ARHGAP10: variants seen among roughly 807,000 people sequenced by gnomAD.
ARHGAP10 encodes the protein rho GTPase-activating protein 10.
Under a neutral mutation model 108.6 loss-of-function variants are expected in ARHGAP10, and 87 were observed. The ratio of observed to expected loss-of-function variants is 0.80; its 90% CI spans 0.67 to 0.96. The LOEUF is 0.96. ARHGAP10 is among the 40% of genes least tolerant of loss of function. ARHGAP10 has a pLI of 0.00. For missense variants in ARHGAP10, 939 were observed against 954.5 expected (o/e 0.98, Z 0.21); for synonymous variants, 347 against 341.1 (o/e 1.02, Z -0.19).
At chr4:147,869,563 G>A (rs998782845) in intron 7 of ARHGAP10, among the ~76,000 whole-genome samples, 2 of 151,396 alleles carry the variant, frequency 1.3e-5, no homozygotes, top group East Asian at 3.9e-4. Context: ...GTAGAGAAAT[G>A]GGGAAATGAC....
chr4:147,733,835 C>T (rs148336281), intron 1 of ARHGAP10, among the ~76,000 whole-genome samples: 219 of 152,256 alleles, frequency 1.4e-3, no homozygotes, highest in African/African-American at 5.1e-3. Context: ...TCTCTGACCT[C>T]TTTGGTGTTG....
intron 10 of ARHGAP10, among the ~76,000 whole-genome samples, chr4:147,898,915 C>T (rs886812825): frequency 3.9e-5 from 6 of 152,166 alleles, no homozygotes; most frequent in Non-Finnish European, 7.3e-5. Context: ...GAGAGCAGCA[C>T]GGGGGAACCA....
intron 10 of ARHGAP10, among the ~76,000 whole-genome samples, chr4:147,904,046 G>C (rs1183100946): frequency 6.6e-6 from 1 of 152,146 alleles, no homozygotes; most frequent in Admixed American, 6.5e-5. Context: ...ACCAGACTTT[G>C]AAAGTGTACC....
intron 8 of ARHGAP10, among the ~76,000 whole-genome samples, chr4:147,877,264 AT>A (rs5862814): frequency 0.95 from 143,520 of 151,726 alleles, 68,314 homozygotes; most frequent in Non-Finnish European, 1. Context: ...TCTGTGCAAT[AT>A]TTTTTTTGTC....
intron 1 of ARHGAP10, among the ~76,000 whole-genome samples, chr4:147,763,567 C>G (rs1729672896): frequency 6.6e-6 from 1 of 151,998 alleles, no homozygotes; most frequent in Admixed American, 6.6e-5. Context: ...GCCCTGACCT[C>G]CCAAAGTGTT....
intron 19 of ARHGAP10, among the ~76,000 whole-genome samples, chr4:148,034,183 T>C (rs1728272565): frequency 6.6e-6 from 1 of 152,214 alleles, no homozygotes; most frequent in African/African-American, 2.4e-5. Flanking sequence ...GCCTGATATC[T>C]GAAGCAGAAG....
chr4:147,843,803 T>C (rs28662484), intron 3 of ARHGAP10, among the ~76,000 whole-genome samples: 21,338 of 152,254 alleles, frequency 0.14, 1,547 homozygotes, highest in African/African-American at 0.19. Flanking sequence ...CGTGAGCCAC[T>C]GCACCCGGCC....
At chr4:147,776,812 C>T (rs1217491720) in intron 1 of ARHGAP10, among the ~76,000 whole-genome samples, 2 of 152,222 alleles carry the variant, frequency 1.3e-5, no homozygotes, top group Non-Finnish European at 2.9e-5. Flanking sequence ...ATGGACTTCA[C>T]CTTGCCTGTT....
chr4:147,751,070 G>T (rs894452566), intron 1 of ARHGAP10, among the ~76,000 whole-genome samples: 8 of 151,672 alleles, frequency 5.3e-5, no homozygotes, highest in Middle Eastern at 3.4e-3. Flanking sequence ...TCCCATCTAC[G>T]TGGGAGGCTG....
intron 7 of ARHGAP10, among the ~76,000 whole-genome samples, chr4:147,869,774 C>T (rs1388168523): frequency 5.3e-5 from 8 of 151,776 alleles, no homozygotes; most frequent in South Asian, 2.1e-4. Flanking sequence ...ATCTAGGTGG[C>T]GTCTTTGTTC....
At chr4:147,952,120 T>G (rs1738627986) in intron 15 of ARHGAP10, among the ~76,000 whole-genome samples, 1 of 152,224 alleles carries the variant, frequency 6.6e-6, no homozygotes, top group Non-Finnish European at 1.5e-5. Flanking sequence ...TAATGGACCA[T>G]TTTATAGATA....
At chr4:147,939,718 C>G in intron 13 of ARHGAP10, 107 bp from the exon 14 acceptor site, 1 of 958,704 alleles carries the variant, frequency 1.0e-6, no homozygotes, top group Non-Finnish European at 1.7e-6. Context: ...TTATAGTTAA[C>G]AGGAATGCTG....
intron 1 of ARHGAP10, among the ~76,000 whole-genome samples, chr4:147,739,758 G>A (rs1159447441): frequency 1.4e-5 from 2 of 146,832 alleles, no homozygotes; most frequent in Non-Finnish European, 3.0e-5. Context: ...TTTTTTTGAC[G>A]GAGTTTCGCT....
At chr4:147,943,333 T>C (rs564934355) in intron 14 of ARHGAP10, among the ~76,000 whole-genome samples, 9 of 152,364 alleles carry the variant, frequency 5.9e-5, no homozygotes, top group Admixed American at 5.9e-4. Flanking sequence ...AGAGTTTTAC[T>C]TGAAAACCAT....
intron 10 of ARHGAP10, among the ~76,000 whole-genome samples, chr4:147,893,178 C>T (rs1047901971): frequency 1.3e-5 from 2 of 151,920 alleles, no homozygotes; most frequent in Non-Finnish European, 2.9e-5. Context: ...CCTGCCTCAG[C>T]CTCCTGAGTA....
At chr4:147,763,746 C>CTCCT (rs1446565435) in intron 1 of ARHGAP10, among the ~76,000 whole-genome samples, 2 of 93,170 alleles carry the variant, frequency 2.1e-5, no homozygotes, top group Non-Finnish European at 4.1e-5. Context: ...ATGGTGATTC[C>CTCCT]TTTTTTTTTT....
intron 19 of ARHGAP10, among the ~76,000 whole-genome samples, chr4:148,039,437 A>G (rs1301876832): frequency 3.3e-5 from 4 of 122,554 alleles, no homozygotes; most frequent in South Asian, 2.7e-4. Context: ...CATTACAGGC[A>G]CCCACCACCA....
intron 1 of ARHGAP10, among the ~76,000 whole-genome samples, chr4:147,736,829 G>A (rs1035756480): frequency 1.8e-4 from 27 of 152,192 alleles, no homozygotes; most frequent in African/African-American, 6.5e-4. Flanking sequence ...GAAGAATGAG[G>A]TTGTATCCCA....
At chr4:147,828,647 G>C (rs1248723218) in intron 3 of ARHGAP10, among the ~76,000 whole-genome samples, 1 of 152,168 alleles carries the variant, frequency 6.6e-6, no homozygotes, top group Non-Finnish European at 1.5e-5. Flanking sequence ...AGCTATGTCT[G>C]GTTTCCTCCT....
Sources: gnomAD v4.1 joint callset for allele counts (sites outside exome capture counted in the v4.1 genomes callset) on GRCh38, gnomAD v4.1.1 for gene constraint, MANE v1.5 for transcripts, NCBI Gene and HGNC (gene_info 2026-07-23, HGNC 2026-07-21) for gene names.